Variants in MBIP observed in about 807,000 individuals in gnomAD.
MBIP encodes the protein MAP3K12-binding inhibitory protein 1.
MBIP carries 32 observed loss-of-function variants against 45.7 expected under a neutral mutation model. The observed-to-expected ratio is 0.70, with a 90% CI of 0.53 to 0.94. The LOEUF (loss-of-function observed/expected upper bound fraction) is 0.94. Among genes scored for constraint, MBIP ranks in the 40% least tolerant of loss-of-function variants. The probability of loss-of-function intolerance (pLI) is 0.00; values close to 1 mark genes in which losing one functional copy is unlikely to be tolerated. For missense variants in MBIP, 381 were observed against 405.5 expected (o/e 0.94, Z 0.52); for synonymous variants, 145 against 141.0 (o/e 1.03, Z -0.20).
chr14:36,320,296 C>G (rs1024825190), intron 1 of MBIP, among the ~76,000 whole-genome samples, 164 bp downstream of exon 1: 1 of 152,208 alleles, frequency 6.6e-6, no homozygotes, highest in East Asian at 1.9e-4. Context: ...GTCCTCCTCA[C>G]TCCGACCGAG....
intron 7 of MBIP, 86 bp from the exon 8 acceptor site, chr14:36,300,909 GCCTTGGGAAC>G (rs1879507961): frequency 1.3e-6 from 1 of 795,468 alleles, no homozygotes; most frequent in Non-Finnish European, 1.9e-6. Context: ...ATTATGTACA[GCCTTGGGAAC>G]CCTGACAGAA....
At chr14:36,311,456 G>T in intron 6 of MBIP, 117 bp downstream of exon 6, 1 of 878,482 alleles carries the variant, frequency 1.1e-6, no homozygotes, top group Non-Finnish European at 1.8e-6. Flanking sequence ...TGAGTGACTG[G>T]CACTTACTGT....
chr14:36,305,678 G>GT (rs1053219005), intron 7 of MBIP, among the ~76,000 whole-genome samples: 4 of 152,256 alleles, frequency 2.6e-5, no homozygotes, highest in African/African-American at 9.6e-5. Context: ...TGTCCCAAGT[G>GT]TAAGTGCCGT....
Position 36,298,943 on chromosome 14 carries a change from G to A in MBIP, c.*140C>T. On this transcript the variant is annotated 3_prime_UTR_variant, in exon 9 of 9. Transcript: ENST00000416007. Reference sequence around the variant, plus strand: ...CTGGAATATTTGAAGATTACTTGCTGCAAGCTGGACTCATGTGAAAATAAA... The same window carrying A: ...CTGGAATATTTGAAGATTACTTGCTACAAGCTGGACTCATGTGAAAATAAA... 1 of 516,574 alleles carries A rather than the reference G, an allele frequency of 1.9e-6. No homozygotes were observed. The highest frequency in any genetic ancestry group is 3.1e-5 in the East Asian group (1 of 32,186). 32.0% of individuals were successfully genotyped at this position (516,574 alleles called of 1,614,324 possible).
chr14:36,303,317 C>T (rs1414521905), intron 7 of MBIP, among the ~76,000 whole-genome samples: 1 of 152,156 alleles, frequency 6.6e-6, no homozygotes, highest in Non-Finnish European at 1.5e-5. Flanking sequence ...AATTGTCTCT[C>T]CTCACCCATT....
intron 1 of MBIP, among the ~76,000 whole-genome samples, chr14:36,318,189 T>C (rs1358810755): frequency 5.3e-5 from 8 of 152,168 alleles, no homozygotes; most frequent in South Asian, 2.1e-4. Context: ...AGGAGATCTA[T>C]AGTTGATTAT....
chr14:36,302,966 C>T (rs1358367655), intron 7 of MBIP, among the ~76,000 whole-genome samples: 1 of 152,152 alleles, frequency 6.6e-6, no homozygotes, highest in Non-Finnish European at 1.5e-5. Context: ...TGGGCAGTGG[C>T]AGTGAGCAAA....
At chr14:36,301,671 A>AT (rs1879562214) in intron 7 of MBIP, among the ~76,000 whole-genome samples, 2 of 152,218 alleles carry the variant, frequency 1.3e-5, no homozygotes, top group Non-Finnish European at 2.9e-5. Flanking sequence ...TGGACTTCCT[A>AT]TTTTATAATT....
intron 1 of MBIP, among the ~76,000 whole-genome samples, chr14:36,318,031 C>A (rs1880681477): frequency 6.6e-6 from 1 of 152,014 alleles, no homozygotes; most frequent in South Asian, 2.1e-4. Context: ...TTCATGTAGG[C>A]TGCACTGGCA....
chr14:36,302,775 C>A (rs1879646935), intron 7 of MBIP, among the ~76,000 whole-genome samples: 3 of 152,116 alleles, frequency 2.0e-5, no homozygotes, highest in African/African-American at 4.8e-5. Context: ...ATTAACTTTA[C>A]TGTTTGTTTT....
At chr14:36,317,417 T>TA (rs1202020488) in intron 1 of MBIP, among the ~76,000 whole-genome samples, 2 of 152,112 alleles carry the variant, frequency 1.3e-5, no homozygotes. Flanking sequence ...TTATTTCAAA[T>TA]AAAAAACTAT....
intron 7 of MBIP, among the ~76,000 whole-genome samples, chr14:36,304,826 C>T (rs1342412966): frequency 3.3e-5 from 5 of 152,176 alleles, no homozygotes; most frequent in Non-Finnish European, 7.4e-5. Flanking sequence ...CTATGCTACG[C>T]TTCAATGTTA....
In MBIP at chr14:36,311,706, T is replaced by C. The variant is rs896434761; in HGVS notation, c.657A>G (p.Thr219=). ...CTTCAGGTCTAGTCTGTGGTCCGTATGTATTCACAACTCTAGAAACTAAAT... is the reference window on the plus strand; with the variant it reads ...CTTCAGGTCTAGTCTGTGGTCCGTACGTATTCACAACTCTAGAAACTAAAT... ...SHVKVSRVVN[T]YGPQTRPEGI... The change falls in exon 6 of 9, where the codon ACA becomes ACG. Residue 219 remains threonine (T), a synonymous_variant. Transcript: ENST00000416007. 6.2e-7 allele frequency: 1 copy of C among 1,608,492 alleles called. No homozygotes were observed. The highest frequency in any genetic ancestry group is 8.5e-7 in the Non-Finnish European group (1 of 1,177,854).
At chr14:36,310,537 C>T (rs894172579) in intron 6 of MBIP, among the ~76,000 whole-genome samples, 8 of 152,212 alleles carry the variant, frequency 5.3e-5, no homozygotes, top group African/African-American at 1.7e-4. Flanking sequence ...ATTCAATAAA[C>T]ATTTGAGCAC....
At chr14:36,311,308 G>A (rs139584739) in intron 6 of MBIP, among the ~76,000 whole-genome samples, 20 of 151,840 alleles carry the variant, frequency 1.3e-4, no homozygotes, top group Admixed American at 1.3e-3. Flanking sequence ...TTTTTTTAGA[G>A]TTGTCACTTA....
At chr14:36,315,120 A>G (rs1880490615) in intron 2 of MBIP, among the ~76,000 whole-genome samples, 1 of 152,106 alleles carries the variant, frequency 6.6e-6, no homozygotes, top group Admixed American at 6.6e-5. Context: ...ATCATTTGCT[A>G]TAAATTTGTT....
At chr14:36,311,766 C>A in intron 5 of MBIP, 41 bp from the exon 6 acceptor site, 1 of 1,511,172 alleles carries the variant, frequency 6.6e-7, no homozygotes, top group Non-Finnish European at 8.9e-7. Flanking sequence ...ATTTGTATTT[C>A]AAAAATCAGA....
chr14:36,309,532 G>C (rs946792372), intron 6 of MBIP, among the ~76,000 whole-genome samples: 1 of 152,116 alleles, frequency 6.6e-6, no homozygotes, highest in Non-Finnish European at 1.5e-5. Context: ...TAAAGAATAC[G>C]GGTAAATTTC....
intron 6 of MBIP, among the ~76,000 whole-genome samples, chr14:36,309,901 A>C (rs898843114): frequency 1.3e-5 from 2 of 152,168 alleles, no homozygotes; most frequent in Non-Finnish European, 2.9e-5. Flanking sequence ...CTCCCAAGGA[A>C]CTGGGATTAT....
Sources: allele counts gnomAD v4.1 joint callset (sites outside exome capture counted in the v4.1 genomes callset), GRCh38; gene constraint gnomAD v4.1.1; transcripts MANE v1.5; gene names NCBI Gene and HGNC (gene_info 2026-07-23, HGNC 2026-07-21).